Variants in STK38L observed in about 807,000 individuals in gnomAD.
STK38L encodes the protein serine/threonine kinase 38 like.
STK38L carries 28 observed loss-of-function variants against 59.7 expected under a neutral mutation model. The observed-to-expected ratio is 0.47, with a 90% CI of 0.35 to 0.64. The LOEUF (loss-of-function observed/expected upper bound fraction) is 0.64. Ranked by LOEUF, STK38L falls within the 30% of genes least tolerant of loss-of-function variation. The pLI is 0.01. For synonymous variants in STK38L, 162 were observed against 176.8 expected (o/e 0.92, Z 0.66); for missense variants, 314 against 555.8 (o/e 0.56, Z 4.37).
At chr12:27,263,982 G>A (rs1222943877) in intron 1 of STK38L, among the ~76,000 whole-genome samples, 1 of 152,188 alleles carries the variant, frequency 6.6e-6, no homozygotes, top group Admixed American at 6.5e-5. Flanking sequence ...AAGGGGAAAG[G>A]AAGGACCATT....
chr12:27,288,387 A>T (rs1405708765), intron 1 of STK38L, among the ~76,000 whole-genome samples: 1 of 152,140 alleles, frequency 6.6e-6, no homozygotes, highest in East Asian at 1.9e-4. Context: ...CAAAAGTGAA[A>T]AATATAGAAG....
chr12:27,317,667 T>C, intron 10 of STK38L: 1 of 716,698 alleles, frequency 1.4e-6, no homozygotes. Flanking sequence ...CTCCCACGTA[T>C]AAAAGTGGTT....
intron 3 of STK38L, among the ~76,000 whole-genome samples, chr12:27,304,902 C>A (rs1249684071): frequency 6.6e-6 from 1 of 150,926 alleles, no homozygotes; most frequent in Non-Finnish European, 1.5e-5. Context: ...TTTTTTTTTG[C>A]TTCCACAAAG....
intron 1 of STK38L, among the ~76,000 whole-genome samples, chr12:27,261,252 A>G (rs12820940): frequency 0.079 from 12,083 of 152,246 alleles, 597 homozygotes; most frequent in African/African-American, 0.14. Context: ...CCAAAAGTTG[A>G]AGTCCCCATC....
At position 27,325,083 on chromosome 12, in the gene STK38L, G is replaced by A. The variant is rs1335297962; in HGVS notation, c.*2628G>A. The A allele has an allele frequency of 1.3e-5, 2 of 151,930 alleles. No homozygotes were observed. Among genetic ancestry groups the A allele is most frequent in the African/African-American group, 4.8e-5 (2 of 41,396 alleles). The allele number at this position is 151,930 out of a possible 1,614,324, so 9.4% of individuals were successfully genotyped here. A position where few individuals can be genotyped will look rare whatever the true frequency, so the allele number is the denominator to read the frequency against. ...TTTGACTTTTTTATTAAAAACCTTT[G>A]TATTAAAGCAAGTTATGTTATTTTT... On this transcript the variant is annotated 3_prime_UTR_variant, in exon 14 of 14. Transcript: ENST00000389032.
At chr12:27,289,742 G>A (rs1943855168) in intron 1 of STK38L, among the ~76,000 whole-genome samples, 1 of 152,256 alleles carries the variant, frequency 6.6e-6, no homozygotes, top group Non-Finnish European at 1.5e-5. Flanking sequence ...GTTGCCTCAT[G>A]AGAATCACTC....
chr12:27,272,867 C>T (rs1235557573), intron 1 of STK38L, among the ~76,000 whole-genome samples: 4 of 152,146 alleles, frequency 2.6e-5, no homozygotes, highest in Non-Finnish European at 5.9e-5. Context: ...CAGAAAAATG[C>T]TCTTTAACCT....
chr12:27,305,698 C>CA (rs1944294082), intron 3 of STK38L, among the ~76,000 whole-genome samples: 1 of 152,166 alleles, frequency 6.6e-6, no homozygotes, highest in South Asian at 2.1e-4. Flanking sequence ...GTTTGAGGAA[C>CA]ACCTATATAA....
intron 1 of STK38L, among the ~76,000 whole-genome samples, chr12:27,257,489 T>C (rs58600792): frequency 0.043 from 6,575 of 152,286 alleles, 533 homozygotes; most frequent in East Asian, 0.4. Context: ...ATTCCAATCC[T>C]GTCTCCCAGA....
intron 1 of STK38L, among the ~76,000 whole-genome samples, chr12:27,287,783 G>T (rs550020432): frequency 6.6e-6 from 1 of 152,266 alleles, no homozygotes; most frequent in South Asian, 2.1e-4. Flanking sequence ...TGGATACCCA[G>T]TTGTTCCAGT....
At chr12:27,244,432 T>TGTCCAG (rs1942804385) in intron 1 of STK38L, 100 bp downstream of exon 1, 1 of 152,628 alleles carries the variant, frequency 6.6e-6, no homozygotes, top group African/African-American at 2.4e-5. Flanking sequence ...TGTCTTTGGG[T>TGTCCAG]GTCCAGGGAA....
At position 27,302,120 on chromosome 12, in the gene STK38L, T is replaced by C. The variant is rs1944189590; in HGVS notation, c.135-17T>C. On this transcript the variant is annotated splice_polypyrimidine_tract_variant and intron_variant, in intron 2 of 13. Transcript: ENST00000389032. ...TAGGAATGTATTTAAAATTTAATTT[T>C]TTTTTCCTTTGAAAAGGCAGAAGAA... The C allele has an allele frequency of 6.3e-7, 1 of 1,596,794 alleles. No individual in the cohort carries two copies. The highest frequency in any genetic ancestry group is 8.5e-7 in the Non-Finnish European group (1 of 1,171,148).
intron 1 of STK38L, among the ~76,000 whole-genome samples, chr12:27,293,250 T>G (rs1032954146): frequency 4.6e-5 from 7 of 152,254 alleles, no homozygotes; most frequent in Admixed American, 3.9e-4. Context: ...TTTGTCCACC[T>G]CTAGCCCCCC....
intron 2 of STK38L, among the ~76,000 whole-genome samples, chr12:27,299,852 T>C (rs2136639802): frequency 6.6e-6 from 1 of 151,938 alleles, no homozygotes; most frequent in Middle Eastern, 3.4e-3. Context: ...ATACCAAAAA[T>C]GGTAAAAATG....
rs542226409 is a variant in STK38L at position 27,288,114 on chromosome 12, T to C, written c.-11-9596T>C. ...CCAGGCTGGTATCGAACTCCTGACC[T>C]CAAGTCATCCACCTGCCTTAGCCTT... On this transcript the variant is annotated intron_variant, in intron 1 of 13. Transcript: ENST00000389032. Among the ~76,000 whole-genome samples, 352 of 152,262 alleles carry C rather than the reference T, an allele frequency of 2.3e-3. 1 individual carries two copies. The highest frequency in any genetic ancestry group is 3.9e-3 in the Non-Finnish European group (265 of 68,022).
chr12:27,245,302 A>C (rs1942825499), intron 1 of STK38L, among the ~76,000 whole-genome samples: 1 of 152,204 alleles, frequency 6.6e-6, no homozygotes, highest in Non-Finnish European at 1.5e-5. Flanking sequence ...TTTTGAGAGA[A>C]GCCACTTAAT....
chr12:27,266,869 T>TG (rs1385092426), intron 1 of STK38L, among the ~76,000 whole-genome samples: 1 of 152,220 alleles, frequency 6.6e-6, no homozygotes, highest in African/African-American at 2.4e-5. Flanking sequence ...AGAAGTTCTG[T>TG]TCCTTCCTTC....
intron 1 of STK38L, among the ~76,000 whole-genome samples, chr12:27,278,752 C>T (rs1028102312): frequency 6.6e-6 from 1 of 152,120 alleles, no homozygotes; most frequent in African/African-American, 2.4e-5. Context: ...AACCTTAACT[C>T]TCAGTTTGGA....
intron 6 of STK38L, among the ~76,000 whole-genome samples, chr12:27,314,292 T>C (rs1944530370): frequency 1.3e-5 from 2 of 151,624 alleles, no homozygotes; most frequent in Admixed American, 6.6e-5. Flanking sequence ...TCTCAGCTAC[T>C]TGGGTGGCTG....
Sources: allele counts gnomAD v4.1 joint callset (sites outside exome capture counted in the v4.1 genomes callset), GRCh38; gene constraint gnomAD v4.1.1; transcripts MANE v1.5; gene names NCBI Gene and HGNC (gene_info 2026-07-23, HGNC 2026-07-21).